TRANK1: variants seen among roughly 807,000 people sequenced by gnomAD.
TRANK1 encodes the protein tetratricopeptide repeat and ankyrin repeat containing 1.
TRANK1 carries 198 observed loss-of-function variants against 266.0 expected under a neutral mutation model. The observed-to-expected ratio is 0.74, with a 90% CI of 0.66 to 0.84. The LOEUF is 0.84. Ranked by LOEUF, TRANK1 falls within the 40% of genes least tolerant of loss-of-function variation. The pLI, the probability that TRANK1 is intolerant of heterozygous loss-of-function variation, is 0.00. For synonymous variants in TRANK1, 1,396 were observed against 1,384.1 expected, an observed-to-expected ratio of 1.01 and a Z score of -0.19; for missense variants, 3,326 against 3,634.6, an observed-to-expected ratio of 0.92 and a Z score of 2.18.
chr3:36,910,265 T>C (rs1025675224), intron 1 of TRANK1, among the ~76,000 whole-genome samples: 2 of 152,170 alleles, frequency 1.3e-5, no homozygotes, highest in African/African-American at 4.8e-5. Flanking sequence ...ATTAAAAGAA[T>C]GACACGAAAT....
intron 13 of TRANK1, among the ~76,000 whole-genome samples, chr3:36,854,803 T>C (rs2079030028): frequency 6.6e-6 from 1 of 152,022 alleles, no homozygotes; most frequent in Non-Finnish European, 1.5e-5. Flanking sequence ...GAAAACCTGC[T>C]TCAAGGATTA....
intron 1 of TRANK1, among the ~76,000 whole-genome samples, chr3:36,942,425 A>G (rs1327119995): frequency 7.3e-5 from 11 of 150,300 alleles, no homozygotes; most frequent in Admixed American, 6.6e-4. Flanking sequence ...GAATCCTTTT[A>G]GAAAACTATG....
chr3:36,832,398 A>G lies in TRANK1; in HGVS notation c.7185T>C (p.Asp2395=), dbSNP rs1476415690. 6.2e-7 allele frequency: 1 copy of G among 1,614,010 alleles called. No homozygotes were observed. The highest frequency in any genetic ancestry group is 1.1e-5 in the South Asian group (1 of 91,078). Residue 2395 remains aspartate, a synonymous_variant, in exon 22 of 24, where the codon GAT becomes GAC. Transcript: ENST00000645898. The stretch of plus-strand genomic sequence containing the variant: ...GGTGGGTCTTGTCCATATTTTCATC[A>G]TCCCTGTTGGGTGCCAGCATGCCAA... ...GKFGMLAPNR[D]DENMDKTHLC...
At chr3:36,849,600 G>C in intron 15 of TRANK1, among the ~76,000 whole-genome samples, 1 of 152,180 alleles carries the variant, frequency 6.6e-6, no homozygotes, top group East Asian at 1.9e-4. Context: ...AGAGAGAGGA[G>C]CTCTCCACAG....
intron 15 of TRANK1, among the ~76,000 whole-genome samples, chr3:36,848,152 C>G (rs1194466473): frequency 6.6e-6 from 1 of 152,174 alleles, no homozygotes; most frequent in Admixed American, 6.5e-5. Context: ...GGTGCTAAAC[C>G]AGCCACAGTC....
intron 8 of TRANK1, among the ~76,000 whole-genome samples, chr3:36,881,359 G>A (rs2125590234): frequency 6.6e-6 from 1 of 152,252 alleles, no homozygotes; most frequent in Admixed American, 6.5e-5. Flanking sequence ...GGCTGAGGCA[G>A]AATGGCGTGA....
At chr3:36,841,148 T>C (rs1362728794) in intron 18 of TRANK1, among the ~76,000 whole-genome samples, 1 of 152,188 alleles carries the variant, frequency 6.6e-6, no homozygotes, top group Non-Finnish European at 1.5e-5. Context: ...GAACCTTTAC[T>C]CAGGCCCAAC....
chr3:36,936,320 A>G (rs893299399), intron 1 of TRANK1, among the ~76,000 whole-genome samples: 6 of 152,102 alleles, frequency 3.9e-5, no homozygotes, highest in Non-Finnish European at 7.4e-5. Flanking sequence ...TCACATCTCT[A>G]CAAAAAAATT....
chr3:36,918,594 G>GAAAGAAAGAAA (rs2080167984), intron 1 of TRANK1, among the ~76,000 whole-genome samples: 1 of 64,294 alleles, frequency 1.6e-5, no homozygotes, highest in African/African-American at 6.6e-5. Flanking sequence ...AAGGAAGGAA[G>GAAAGAAAGAAA]GAAGGAAGGA....
At chr3:36,898,497 C>A (rs561647201) in intron 4 of TRANK1, among the ~76,000 whole-genome samples, 4 of 151,944 alleles carry the variant, frequency 2.6e-5, no homozygotes, top group South Asian at 2.1e-4. Context: ...GAGCAAAAGT[C>A]ACATCAGGCG....
Position 36,828,179 on chromosome 3 carries a change from C to A in TRANK1, c.*96G>T. The A allele has an allele frequency of 2.3e-6, 2 of 884,514 alleles. No homozygotes were observed. Among genetic ancestry groups the A allele is most frequent in the South Asian group, 1.5e-5 (1 of 66,134 alleles). 54.8% of individuals were successfully genotyped at this position (884,514 alleles called of 1,614,324 possible). On this transcript the variant is annotated 3_prime_UTR_variant, in exon 24 of 24. Coordinates refer to ENST00000645898, the MANE Select transcript of TRANK1 (RefSeq NM_001329998.2). ...GTTAGACTCCCCTATTTTTAAAATGCTAATTCACATTCTTTTTGTCTTCTG... is the reference window on the plus strand; with the variant it reads ...GTTAGACTCCCCTATTTTTAAAATGATAATTCACATTCTTTTTGTCTTCTG...
intron 17 of TRANK1, among the ~76,000 whole-genome samples, 159 bp from the exon 18 acceptor site, chr3:36,842,869 A>T (rs934335238): frequency 6.6e-6 from 1 of 152,210 alleles, no homozygotes; most frequent in South Asian, 2.1e-4. Flanking sequence ...GGAGAGAGAT[A>T]GGGCCTTTAC....
rs2079708083 is a variant in TRANK1 at position 36,892,188 on chromosome 3, G to A, written c.775+14C>T. 2 of 1,535,906 alleles carry A rather than the reference G, an allele frequency of 1.3e-6. No individual in the cohort carries two copies. The highest frequency in any genetic ancestry group is 8.7e-7 in the Non-Finnish European group (1 of 1,146,234). On this transcript the variant is annotated intron_variant, in intron 7 of 23. Transcript: ENST00000645898. ...AGGGCAGCTTGGAGGGTGGAAAACT[G>A]GGAGAAGACTCACTGGCTTGGATAC...
rs1287191646 is a variant in TRANK1 at position 36,827,378 on chromosome 3, C to T, written c.*897G>A. 1.3e-5 allele frequency: 2 copies of T among 152,332 alleles called. No individual in the cohort carries two copies. Among genetic ancestry groups the T allele is most frequent in the Non-Finnish European group, 2.9e-5 (2 of 68,114 alleles). The allele number at this position is 152,332 out of a possible 1,614,324, so 9.4% of individuals were successfully genotyped here. ...CAGTGATGAGCTCAGCAAGCAGAGACTCATCAGAACGTCAGCCTAAGCTAG... is the reference window on the plus strand; with the variant it reads ...CAGTGATGAGCTCAGCAAGCAGAGATTCATCAGAACGTCAGCCTAAGCTAG... On this transcript the variant is annotated 3_prime_UTR_variant, in exon 24 of 24. Coordinates refer to ENST00000645898, the MANE Select transcript of TRANK1 (RefSeq NM_001329998.2).
rs760057048 is a variant in TRANK1, at chr3:36,833,173, A to T, written c.6410T>A (p.Ile2137Lys). The T allele has an allele frequency of 6.2e-7, 1 of 1,613,798 alleles. No homozygotes were observed. Among genetic ancestry groups the T allele is most frequent in the South Asian group, 1.1e-5 (1 of 91,042 alleles). Residue 2137 changes from isoleucine (I) to lysine (K), a missense_variant, in exon 22 of 24, where the codon ATA becomes AAA. Ile to Lys is a moderately radical substitution (Grantham distance 102, BLOSUM62 -3). Coordinates refer to ENST00000645898, the MANE Select transcript of TRANK1 (RefSeq NM_001329998.2). ...CQIAQNDPGP[I>K]LRIIFDLDLN... ...ATCCAGGTCAAAAATTATTCTTAAT[A>T]TGGGCCCAGGGTCATTCTGAGCTAT...
intron 11 of TRANK1, among the ~76,000 whole-genome samples, chr3:36,859,366 C>T (rs879380051): frequency 1.3e-5 from 2 of 151,856 alleles, no homozygotes; most frequent in Non-Finnish European, 2.9e-5. Flanking sequence ...GTTTGCTGCA[C>T]CCATCAACCT....
Position 36,892,228 on chromosome 3 carries a change from G to T in TRANK1, c.749C>A (p.Ala250Asp). 6.5e-7 allele frequency: 1 copy of T among 1,537,060 alleles called. No homozygotes were observed. ...GGCTTGGATACAGAGTCGCATGAGG[G>T]CATGAAGGGGATACGGTCCTATAGT... Reference protein sequence around the residue: ...VETIGPYPLHALMRLCIQARE... With the variant: ...VETIGPYPLHDLMRLCIQARE... Residue 250 changes from alanine (A) to aspartate (D), a missense_variant, in exon 7 of 24, where the codon GCC becomes GAC. Transcript: ENST00000645898.
At chr3:36,845,115 A>C (rs979492096) in intron 17 of TRANK1, among the ~76,000 whole-genome samples, 1 of 152,220 alleles carries the variant, frequency 6.6e-6, no homozygotes, top group African/African-American at 2.4e-5. Context: ...AAAAGTGTCC[A>C]TATCTACTCG....
In TRANK1 at chr3:36,856,722, T is replaced by C; in HGVS notation, c.3000A>G (p.Thr1000=). ...KRIPRCYVED[T]EAEKGREHVN... ...CATGCTCCCTGCCCTTCTCGGCCTC[T>C]GTGTCCTCCACATAGCAGCGAGGTA... Residue 1000 remains threonine, a synonymous_variant, in exon 13 of 24, where the codon ACA becomes ACG. Transcript: ENST00000645898. 1 of 1,614,086 alleles carries C rather than the reference T, an allele frequency of 6.2e-7. No homozygotes were observed. Among genetic ancestry groups the C allele is most frequent in the Non-Finnish European group, 8.5e-7 (1 of 1,179,900 alleles).
Sources: allele counts gnomAD v4.1 joint callset (sites outside exome capture counted in the v4.1 genomes callset), GRCh38; gene constraint gnomAD v4.1.1; transcripts MANE v1.5; gene names NCBI Gene and HGNC (gene_info 2026-07-23, HGNC 2026-07-21).